ARHGAP42: variants seen among roughly 807,000 people sequenced by gnomAD.
The protein encoded by ARHGAP42 is Rho GTPase activating protein 42, also known as rho GTPase-activating protein 42.
In ARHGAP42, 63 loss-of-function variants were observed where a neutral mutation model predicts 125.0. That is an observed-to-expected ratio of 0.50 (90% CI 0.41 to 0.62). The LOEUF is 0.62. ARHGAP42 is among the 20% of genes least tolerant of loss of function. The pLI is 0.00. For missense variants in ARHGAP42, 766 were observed against 1,024.2 expected (o/e 0.75, Z 3.44); for synonymous variants, 339 against 351.0 (o/e 0.97, Z 0.38).
chr11:100,914,082 G>A (rs937980287), intron 5 of ARHGAP42, among the ~76,000 whole-genome samples: 1 of 152,012 alleles, frequency 6.6e-6, no homozygotes. Context: ...TTACAGGCAT[G>A]TGCCACCAAG....
At chr11:100,985,860 A>C (rs1858665349) in intron 22 of ARHGAP42, among the ~76,000 whole-genome samples, 2 of 152,184 alleles carry the variant, frequency 1.3e-5, no homozygotes, top group African/African-American at 4.8e-5. Flanking sequence ...GTGTAGGGTT[A>C]AGATCCAGGG....
At chr11:100,889,882 C>G (rs1565261091) in intron 4 of ARHGAP42, among the ~76,000 whole-genome samples, 1 of 152,100 alleles carries the variant, frequency 6.6e-6, no homozygotes, top group African/African-American at 2.4e-5. Flanking sequence ...CAAGGTGGGT[C>G]CCAAGCTGGA....
At chr11:100,901,011 C>T (rs866551399) in intron 4 of ARHGAP42, among the ~76,000 whole-genome samples, 2 of 152,094 alleles carry the variant, frequency 1.3e-5, no homozygotes, top group African/African-American at 4.8e-5. Context: ...TCTGATTTTT[C>T]CCCATCTCTG....
chr11:100,710,018 G>T (rs59863619), intron 1 of ARHGAP42, among the ~76,000 whole-genome samples: 2,456 of 152,210 alleles, frequency 0.016, 79 homozygotes, highest in African/African-American at 0.055. Context: ...GCGGGGTCGG[G>T]GGGGCATCTG....
chr11:100,737,704 G>C (rs1862096898), intron 1 of ARHGAP42, among the ~76,000 whole-genome samples: 1 of 152,162 alleles, frequency 6.6e-6, no homozygotes, highest in South Asian at 2.1e-4. Flanking sequence ...AATAGATGCT[G>C]ACTTATTTGT....
intron 12 of ARHGAP42, among the ~76,000 whole-genome samples, chr11:100,950,248 A>G (rs1470828905): frequency 1.4e-5 from 2 of 144,670 alleles, no homozygotes. Flanking sequence ...TATATAAAAT[A>G]TATAATATAT....
At chr11:100,819,400 G>T (rs1370373633) in intron 3 of ARHGAP42, among the ~76,000 whole-genome samples, 1 of 152,116 alleles carries the variant, frequency 6.6e-6, no homozygotes, top group Non-Finnish European at 1.5e-5. Context: ...ATGGTTTGGG[G>T]TACAGGGCTG....
At position 100,819,175 on chromosome 11, in the gene ARHGAP42, G is replaced by A. The variant is rs532088126; in HGVS notation, c.312+24009G>A. On this transcript the variant is annotated intron_variant, in intron 3 of 23. Coordinates refer to ENST00000298815, the MANE Select transcript of ARHGAP42 (RefSeq NM_152432.4). Reference sequence around the variant, plus strand: ...ATAGCAGTGGACCTGGATGAATAAAGGTATACAGAACGGATCAGTTTTATT... The same window carrying A: ...ATAGCAGTGGACCTGGATGAATAAAAGTATACAGAACGGATCAGTTTTATT... 9.3e-4 allele frequency among the ~76,000 whole-genome samples: 141 copies of A among 152,218 alleles called. 1 individual carries two copies. Among genetic ancestry groups the A allele is most frequent in the African/African-American group, 3.3e-3 (136 of 41,542 alleles).
At chr11:100,714,899 T>G (rs535271649) in intron 1 of ARHGAP42, among the ~76,000 whole-genome samples, 1 of 151,900 alleles carries the variant, frequency 6.6e-6, no homozygotes, top group Non-Finnish European at 1.5e-5. Context: ...AATACAAAAA[T>G]TAGCTGGGCA....
intron 20 of ARHGAP42, 113 bp from the exon 21 acceptor site, chr11:100,976,702 C>G: frequency 7.5e-7 from 1 of 1,326,894 alleles, no homozygotes; most frequent in Non-Finnish European, 1.0e-6. Flanking sequence ...ACATTCTGTA[C>G]CTTCCCATTT....
chr11:100,767,614 C>T (rs189069124), intron 1 of ARHGAP42, among the ~76,000 whole-genome samples: 17 of 152,186 alleles, frequency 1.1e-4, no homozygotes, highest in Admixed American at 9.8e-4. Context: ...CAAATAGGCT[C>T]ATCTAGGTTT....
intron 4 of ARHGAP42, among the ~76,000 whole-genome samples, chr11:100,875,218 A>G (rs1359961337): frequency 7.0e-6 from 1 of 143,544 alleles, no homozygotes; most frequent in East Asian, 2.0e-4. Context: ...TTGATTTTTT[A>G]TTTATTTTAT....
At chr11:100,744,899 T>G (rs113421459) in intron 1 of ARHGAP42, among the ~76,000 whole-genome samples, 3,953 of 152,278 alleles carry the variant, frequency 0.026, 68 homozygotes, top group Non-Finnish European at 0.031. Context: ...AGTGGTGAGC[T>G]CACACCTGGA....
intron 1 of ARHGAP42, among the ~76,000 whole-genome samples, chr11:100,733,388 G>GTAGGGCTAAGAAATGAGAAAGGTTTGCA (rs1315772072): frequency 1.1e-4 from 16 of 152,188 alleles, no homozygotes; most frequent in African/African-American, 3.9e-4. Context: ...AGTGTCTACA[G>GTAGGGCTAAGAAATGAGAAAGGTTTGCA]TAGGGCTAAG....
chr11:100,712,020 G>C (rs932035162), intron 1 of ARHGAP42, among the ~76,000 whole-genome samples: 2 of 152,158 alleles, frequency 1.3e-5, no homozygotes, highest in Non-Finnish European at 2.9e-5. Flanking sequence ...GAACATTAAA[G>C]GGTTTGTACC....
chr11:100,805,140 G>A (rs1863959206), intron 3 of ARHGAP42, among the ~76,000 whole-genome samples: 1 of 152,184 alleles, frequency 6.6e-6, no homozygotes. Flanking sequence ...ATTTCAAAGT[G>A]TATGCTATTA....
At chr11:100,961,269 A>G (rs796762016) in intron 14 of ARHGAP42, among the ~76,000 whole-genome samples, 1 of 152,148 alleles carries the variant, frequency 6.6e-6, no homozygotes, top group South Asian at 2.1e-4. Flanking sequence ...ATCCTAGCTC[A>G]GCCACTTACA....
At chr11:100,938,287 A>G (rs1867788638) in intron 8 of ARHGAP42, among the ~76,000 whole-genome samples, 1 of 152,082 alleles carries the variant, frequency 6.6e-6, no homozygotes, top group Non-Finnish European at 1.5e-5. Context: ...AGGCTTGCCC[A>G]TCATCTAATG....
chr11:100,801,938 G>C (rs943897968), intron 3 of ARHGAP42, among the ~76,000 whole-genome samples: 1 of 152,108 alleles, frequency 6.6e-6, no homozygotes, highest in Non-Finnish European at 1.5e-5. Context: ...ATCGATTATT[G>C]ATATATGCTT....
Sources: gnomAD v4.1 joint callset for allele counts (sites outside exome capture counted in the v4.1 genomes callset) on GRCh38, gnomAD v4.1.1 for gene constraint, MANE v1.5 for transcripts, NCBI Gene and HGNC (gene_info 2026-07-23, HGNC 2026-07-21) for gene names.